Variants in NR5A2 observed in about 807,000 individuals in gnomAD.
NR5A2 encodes the protein CYP7A promoter-binding factor.
Under a neutral mutation model 62.7 loss-of-function variants are expected in NR5A2, and 26 were observed. The observed-to-expected ratio is 0.41, with a 90% CI of 0.30 to 0.58. NR5A2 has a LOEUF of 0.58. NR5A2 is among the 20% of genes least tolerant of loss of function. The pLI, the probability that NR5A2 is intolerant of heterozygous loss-of-function variation, is 0.22. For synonymous variants in NR5A2, 246 were observed against 241.7 expected (o/e 1.02, Z -0.16); for missense variants, 541 against 669.1 (o/e 0.81, Z 2.11).
At chr1:200,029,081 C>T in intron 1 of NR5A2, 1 of 446,818 alleles carries the variant, frequency 2.2e-6, no homozygotes, top group South Asian at 1.6e-5. Context: ...CAGCACACAA[C>T]CATTTCGCAT....
chr1:200,143,875 A>G (rs7534666), intron 7 of NR5A2, among the ~76,000 whole-genome samples: 139,138 of 151,884 alleles, frequency 0.92, 64,369 homozygotes, highest in Non-Finnish European at 0.98. Context: ...TCCTGACCTC[A>G]TGTTCCACCC....
chr1:200,063,728 C>T (rs948377603), intron 5 of NR5A2, among the ~76,000 whole-genome samples: 3 of 152,188 alleles, frequency 2.0e-5, no homozygotes, highest in Non-Finnish European at 4.4e-5. Context: ...GCCCCTAAAA[C>T]ATTTCAGCCA....
intron 2 of NR5A2, among the ~76,000 whole-genome samples, chr1:200,043,322 TGTAA>T: frequency 6.6e-6 from 1 of 152,232 alleles, no homozygotes; most frequent in Admixed American, 6.5e-5. Context: ...CTGCTGTCCC[TGTAA>T]GCAAGGTGCA....
At chr1:200,089,612 G>C (rs1664722086) in intron 5 of NR5A2, among the ~76,000 whole-genome samples, 1 of 152,160 alleles carries the variant, frequency 6.6e-6, no homozygotes, top group African/African-American at 2.4e-5. Context: ...TGAGACTATA[G>C]GCGTGTGCCA....
chr1:200,062,427 G>A (rs1313790977), intron 5 of NR5A2, among the ~76,000 whole-genome samples: 1 of 152,184 alleles, frequency 6.6e-6, no homozygotes, highest in East Asian at 1.9e-4. Flanking sequence ...TATCAGCACA[G>A]TTGTGTGCCT....
At position 200,039,827 on chromosome 1, in the gene NR5A2, C is replaced by G. The variant is rs775196964; in HGVS notation, c.202+32C>G. 8.8e-6 allele frequency: 14 copies of G among 1,583,124 alleles called. No homozygotes were observed. In the African/African-American group the frequency reaches 9.7e-5, roughly 11 times the overall value. ...AGGCGCCGCGCGGCGCTCCGGCTCC[C>G]GCTGCTTCCCCACCCCCGGGCTCGC... is the stretch of plus-strand genomic sequence containing the variant. On this transcript the variant is annotated intron_variant, in intron 2 of 7. Transcript: ENST00000367362. This position sits in a 1 kb window ranked among gnomAD's most constrained non-coding sequence, Gnocchi z 5.1.
At chr1:200,028,425 C>CAAA (rs67706127) in intron 1 of NR5A2, among the ~76,000 whole-genome samples, 14,309 of 83,196 alleles carry the variant, frequency 0.17, 1,032 homozygotes, top group African/African-American at 0.22. Context: ...CCCCCACCTC[C>CAAA]AAAAAAAAAA....
intron 5 of NR5A2, among the ~76,000 whole-genome samples, chr1:200,092,401 G>A (rs938639157): frequency 4.6e-5 from 7 of 152,136 alleles, no homozygotes; most frequent in African/African-American, 1.7e-4. Flanking sequence ...TAAGTATGTG[G>A]TCTGCGGTGG....
intron 6 of NR5A2, 88 bp from the exon 7 acceptor site, chr1:200,120,720 A>G (rs1666441503): frequency 3.0e-6 from 4 of 1,353,158 alleles, no homozygotes; most frequent in Middle Eastern, 1.9e-4. Flanking sequence ...CTGTATTGCA[A>G]TCTGATTTTA....
chr1:200,097,209 G>A (rs913005346), intron 5 of NR5A2, among the ~76,000 whole-genome samples: 1 of 151,816 alleles, frequency 6.6e-6, no homozygotes, highest in African/African-American at 2.4e-5. Context: ...ACTTAAATTG[G>A]GTATTATTTC....
At position 200,174,148 on chromosome 1, in the gene NR5A2, C is replaced by G. The variant is rs1330342569; in HGVS notation, c.1564C>G (p.Leu522Val). ...QAEEYLYYKHLNGDVPYNNLL... is the reference protein window; with the variant it reads ...QAEEYLYYKHVNGDVPYNNLL... ...TGAAGAATACCTCTACTACAAGCAC[C>G]TGAACGGGGATGTGCCCTATAATAA... The change falls in exon 8 of 8, where the codon CTG becomes GTG. Residue 522 changes from leucine to valine, a missense_variant. Physicochemically the swap from Leu to Val is conservative, Grantham distance 32 (BLOSUM62 1). This residue lies in a region of NR5A2 where 379 missense variants were observed against 442.0 expected (regional missense o/e 0.86). Transcript: ENST00000367362. The G allele has an allele frequency of 1.2e-6, 2 of 1,613,624 alleles. No homozygotes were observed. Among genetic ancestry groups the G allele is most frequent in the Non-Finnish European group, 1.7e-6 (2 of 1,179,892 alleles).
chr1:200,073,235 C>CATATATATATATATATATATAT (rs3033980), intron 5 of NR5A2, among the ~76,000 whole-genome samples: 5 of 105,908 alleles, frequency 4.7e-5, no homozygotes, highest in African/African-American at 1.5e-4. Context: ...CATTTACATA[C>CATATATATATATATATATATAT]ATATATATAT....
chr1:200,134,182 A>G (rs1439022136), intron 7 of NR5A2, among the ~76,000 whole-genome samples: 1 of 152,164 alleles, frequency 6.6e-6, no homozygotes, highest in African/African-American at 2.4e-5. Context: ...TGGTTAATTT[A>G]TTACTGAAGA....
chr1:200,038,582 A>C (rs1661892130), intron 1 of NR5A2: 5 of 607,914 alleles, frequency 8.2e-6, no homozygotes, highest in Non-Finnish European at 1.4e-5. Context: ...ACGGTCAGCT[A>C]AATTTTCTCC....
At chr1:200,053,569 G>GCACACACACACACA (rs34611924) in intron 5 of NR5A2, among the ~76,000 whole-genome samples, 26 of 142,100 alleles carry the variant, frequency 1.8e-4, no homozygotes, top group South Asian at 7.0e-4. Flanking sequence ...GCATGCACAC[G>GCACACACACACACA]CACACACACA....
At chr1:200,074,509 G>A (rs886667248) in intron 5 of NR5A2, among the ~76,000 whole-genome samples, 4 of 151,672 alleles carry the variant, frequency 2.6e-5, no homozygotes, top group East Asian at 1.9e-4. Context: ...AGGCCGAGGC[G>A]GGCAGATCAC....
intron 6 of NR5A2, among the ~76,000 whole-genome samples, chr1:200,116,563 A>G (rs1235805886): frequency 1.3e-5 from 2 of 152,220 alleles, no homozygotes; most frequent in African/African-American, 4.8e-5. Flanking sequence ...CACTGCAAAG[A>G]GCAGCCCAGG....
At chr1:200,082,531 C>A (rs931072446) in intron 5 of NR5A2, among the ~76,000 whole-genome samples, 2 of 152,106 alleles carry the variant, frequency 1.3e-5, no homozygotes, top group South Asian at 2.1e-4. Flanking sequence ...AAAAAAATGT[C>A]TTTTGTGTGA....
At chr1:200,085,373 C>G (rs1558128600) in intron 5 of NR5A2, among the ~76,000 whole-genome samples, 1 of 152,136 alleles carries the variant, frequency 6.6e-6, no homozygotes, top group East Asian at 1.9e-4. Context: ...GGGCTTGGCA[C>G]AAGGCACTGG....
Sources: gnomAD v4.1 joint callset for allele counts (sites outside exome capture counted in the v4.1 genomes callset) on GRCh38, gnomAD v4.1.1 for gene constraint, gnomAD v4.1.1 regional missense constraint, Gnocchi (gnomAD v3.1) non-coding constraint, MANE v1.5 for transcripts, NCBI Gene and HGNC (gene_info 2026-07-23, HGNC 2026-07-21) for gene names.